Variants in TAF1D observed in about 807,000 individuals in gnomAD.
TAF1D encodes TATA box-binding protein-associated factor RNA polymerase I subunit D.
A neutral mutation model predicts 26.2 loss-of-function variants in TAF1D; 23 were observed. That is an observed-to-expected ratio of 0.88 (90% CI 0.63 to 1.25). The LOEUF (loss-of-function observed/expected upper bound fraction) is 1.25. Among genes scored for constraint, TAF1D ranks in the 50% most tolerant of loss-of-function variants. The pLI, the probability that TAF1D is intolerant of heterozygous loss-of-function variation, is 0.00. For synonymous variants in TAF1D, 100 were observed against 105.6 expected (o/e 0.95, Z 0.33); for missense variants, 299 against 322.0 (o/e 0.93, Z 0.55).
downstream of TAF1D, chr11:93,733,366 G>T: frequency 1.9e-6 from 1 of 518,986 alleles, no homozygotes; most frequent in South Asian, 1.4e-5. Flanking sequence ...GATCACTCAA[G>T]AATGGTACAG....
rs1454303540 is a variant in TAF1D, at chr11:93,735,982, A to G, written c.*179T>C. 1.5e-6 allele frequency: 2 copies of G among 1,368,784 alleles called. No homozygotes were observed. Among genetic ancestry groups the G allele is most frequent in the Non-Finnish European group, 1.9e-6 (2 of 1,066,732 alleles). 84.8% of individuals were successfully genotyped at this position (1,368,784 alleles called of 1,614,324 possible). ...AATGGTTTTTTTTCTAATTATTACT[A>G]CTTCACAAGTTTCTTTCACAAACTT... On this transcript the variant is annotated 3_prime_UTR_variant, in exon 6 of 6. Transcript: ENST00000448108.
Position 93,737,085 on chromosome 11 carries a change from A to C in TAF1D, c.614T>G (p.Ile205Ser). The change falls in exon 4 of 6, where the codon ATT becomes AGT. Residue 205 changes from isoleucine (I) to serine (S), a missense_variant. Transcript: ENST00000448108. Reference sequence around the variant, plus strand: ...TTACGTTGACTCCTCAATAGGAGAAATGGATCCATCATCATCCAAAAATTT... The same window carrying C: ...TTACGTTGACTCCTCAATAGGAGAACTGGATCCATCATCATCCAAAAATTT... ...RYKFLDDDGS[I>S]SPIEESTAED... The C allele has an allele frequency of 6.2e-7, 1 of 1,605,856 alleles. No homozygotes were observed. The highest frequency in any genetic ancestry group is 8.5e-7 in the Non-Finnish European group (1 of 1,176,946).
chr11:93,734,745 C>T, downstream of TAF1D: 1 of 1,285,250 alleles, frequency 7.8e-7, no homozygotes, highest in East Asian at 5.6e-5. Context: ...CCTCATATCC[C>T]ATGCTGTTTA....
At chr11:93,740,211 A>C (rs1388309696) in intron 1 of TAF1D, among the ~76,000 whole-genome samples, 10 of 151,496 alleles carry the variant, frequency 6.6e-5, no homozygotes, top group Admixed American at 6.6e-4. Flanking sequence ...GGTAGGTGGA[A>C]TACCTGAGCC....
At chr11:93,736,635 T>G in intron 5 of TAF1D, 59 bp downstream of exon 5, 1 of 1,592,938 alleles carries the variant, frequency 6.3e-7, no homozygotes, top group Non-Finnish European at 8.5e-7. Context: ...TATAATTCCT[T>G]CTGTATCAAC....
intron 1 of TAF1D, among the ~76,000 whole-genome samples, chr11:93,740,858 T>A (rs996062297): frequency 1.1e-4 from 17 of 152,330 alleles, no homozygotes; most frequent in African/African-American, 3.8e-4. Flanking sequence ...TCGAAGTGTT[T>A]AGAAGACACT....
chr11:93,737,078 AG>A lies in TAF1D; in HGVS notation c.620del (p.Pro207LeufsTer30). The A allele has an allele frequency of 6.2e-7, 1 of 1,601,518 alleles. No individual in the cohort carries two copies. ...ATTCCACTTACGTTGACTCCTCAATAGGAGAAATGGATCCATCATCATCCAA... is the reference window on the plus strand; with the variant it reads ...ATTCCACTTACGTTGACTCCTCAATAGAGAAATGGATCCATCATCATCCAA... ...KFLDDDGSIS[P>X]IEESTAEDED... On this transcript the variant is annotated frameshift_variant, in exon 4 of 6. Transcript: ENST00000448108. LOFTEE classifies it high-confidence loss of function.
intron 3 of TAF1D, among the ~76,000 whole-genome samples, chr11:93,737,817 C>T (rs901834616): frequency 3.3e-5 from 5 of 152,110 alleles, no homozygotes; most frequent in Admixed American, 6.5e-5. Context: ...ATTATCCCCA[C>T]TGAGTTTTAG....
chr11:93,733,259 G>A (rs377623627), downstream of TAF1D: 9 of 518,958 alleles, frequency 1.7e-5, no homozygotes, highest in African/African-American at 5.8e-5. Context: ...GTTCATGCCC[G>A]TTATCATTCA....
intron 3 of TAF1D, 71 bp downstream of exon 3, chr11:93,738,038 C>T: frequency 2.0e-6 from 3 of 1,491,876 alleles, no homozygotes; most frequent in Non-Finnish European, 2.7e-6. Context: ...TGAGACAATT[C>T]TAAATTGGCC....
At chr11:93,740,008 A>G (rs908502473) in intron 1 of TAF1D, among the ~76,000 whole-genome samples, 2 of 151,512 alleles carry the variant, frequency 1.3e-5, no homozygotes, top group Admixed American at 6.6e-5. Context: ...TTGTGAGCTA[A>G]AAGAAAAAAG....
rs765697912 is a variant in TAF1D, at chr11:93,738,171, A to G, written c.397T>C (p.Phe133Leu). 1 of 1,571,680 alleles carries G rather than the reference A, an allele frequency of 6.4e-7. No individual in the cohort carries two copies. Among genetic ancestry groups the G allele is most frequent in the Non-Finnish European group, 8.6e-7 (1 of 1,168,526 alleles). The change falls in exon 3 of 6, where the codon TTC (phenylalanine) becomes CTC (leucine). Residue 133 changes from phenylalanine (F) to leucine (L), a missense_variant. Phe to Leu is a conservative substitution (Grantham distance 22). Coordinates refer to ENST00000448108, the MANE Select transcript of TAF1D (RefSeq NM_024116.4). Reference protein sequence around the residue: ...KKQFRSRGSGFPFLESENEKN... With the variant: ...KKQFRSRGSGLPFLESENEKN... ...TCATTCTCTGATTCTAAAAATGGGA[A>G]GCCAGATCCTCTGCTTCTAAATTGT...
chr11:93,738,634 T>C (rs1941225425), intron 2 of TAF1D, 135 bp from the exon 3 acceptor site: 2 of 851,700 alleles, frequency 2.3e-6, no homozygotes, highest in Non-Finnish European at 3.4e-6. Context: ...TTTTAAAGGA[T>C]GGGCTCAGAA....
intron 3 of TAF1D, among the ~76,000 whole-genome samples, chr11:93,737,744 A>AT (rs1421676260): frequency 6.6e-6 from 1 of 152,216 alleles, no homozygotes; most frequent in Non-Finnish European, 1.5e-5. Flanking sequence ...TCCACTGAAC[A>AT]TAAGGCATGT....
downstream of TAF1D, chr11:93,732,464 G>A (rs921143049): frequency 1.9e-6 from 1 of 518,896 alleles, no homozygotes; most frequent in South Asian, 1.4e-5. Context: ...CACCCTAGCA[G>A]GTGTAAACTG....
In TAF1D at chr11:93,736,025, T is replaced by C. The variant is rs920855309; in HGVS notation, c.*136A>G. ...ACAAACTTCTTCACAGGGTTAAAAATTTTTTTTCTTGTTATAAAGTTCTGG... is the reference window on the plus strand; with the variant it reads ...ACAAACTTCTTCACAGGGTTAAAAACTTTTTTTCTTGTTATAAAGTTCTGG... On this transcript the variant is annotated 3_prime_UTR_variant, in exon 6 of 6. Transcript: ENST00000448108. 3.5e-6 allele frequency: 5 copies of C among 1,423,276 alleles called. No individual in the cohort carries two copies. The highest frequency in any genetic ancestry group is 4.6e-6 in the Non-Finnish European group (5 of 1,092,772). The allele number at this position is 1,423,276 out of a possible 1,614,324, so 88.2% of individuals were successfully genotyped here.
At position 93,738,257 on chromosome 11, in the gene TAF1D, C is replaced by G; in HGVS notation, c.311G>C (p.Arg104Thr). 2 of 1,612,822 alleles carry G rather than the reference C, an allele frequency of 1.2e-6. No homozygotes were observed. Among genetic ancestry groups the G allele is most frequent in the East Asian group, 4.5e-5 (2 of 44,864 alleles). Residue 104 changes from arginine (R) to threonine (T), a missense_variant, in exon 3 of 6, where the codon AGA becomes ACA. Physicochemically the swap from Arg to Thr is moderately conservative, Grantham distance 71 (BLOSUM62 -1). Transcript: ENST00000448108. ...CCTTCCTTCTGGTCTTCCCCGTGGT[C>G]TTCCTGTTGGCTGGTACCTCCTCTT... ...KKKRRYQPTG[R>T]PRGRPEGRRN...
At chr11:93,740,570 A>G (rs1941767517) in intron 1 of TAF1D, among the ~76,000 whole-genome samples, 1 of 151,930 alleles carries the variant, frequency 6.6e-6, no homozygotes, top group Non-Finnish European at 1.5e-5. Flanking sequence ...GACATGAGTC[A>G]TTACATATAA....
chr11:93,737,997 A>G, intron 3 of TAF1D, 112 bp downstream of exon 3: 1 of 1,299,472 alleles, frequency 7.7e-7, no homozygotes, highest in African/African-American at 1.5e-5. Flanking sequence ...GAAGAGTATC[A>G]AAATTGCAGA....
Sources: allele counts gnomAD v4.1 joint callset (sites outside exome capture counted in the v4.1 genomes callset), GRCh38; gene constraint gnomAD v4.1.1; transcripts MANE v1.5; gene names NCBI Gene and HGNC (gene_info 2026-07-23, HGNC 2026-07-21).